MYO3B: variants seen among roughly 807,000 people sequenced by gnomAD.
MYO3B encodes the protein myosin IIIB.
In MYO3B, 156 loss-of-function variants were observed where a neutral mutation model predicts 174.6. That is an observed-to-expected ratio of 0.89 (90% CI 0.78 to 1.02). MYO3B has a LOEUF of 1.02. Among genes scored for constraint, MYO3B ranks in the 50% least tolerant of loss-of-function variants. The pLI is 0.00. For missense variants in MYO3B, 1,632 were observed against 1,639.4 expected, an observed-to-expected ratio of 1.00 and a Z score of 0.08; for synonymous variants, 563 against 569.1, an observed-to-expected ratio of 0.99 and a Z score of 0.15.
At chr2:170,224,899 G>C (rs180731065) in intron 6 of MYO3B, among the ~76,000 whole-genome samples, 1 of 152,220 alleles carries the variant, frequency 6.6e-6, no homozygotes, top group Non-Finnish European at 1.5e-5. Flanking sequence ...CAGAAATATC[G>C]CAAGCTTTTT....
intron 7 of MYO3B, chr2:170,333,891 T>C (rs1453307661): frequency 6.6e-6 from 1 of 152,226 alleles, no homozygotes; most frequent in African/African-American, 2.4e-5. Context: ...AAAGGTTATC[T>C]GACTGAGGAT....
At chr2:170,440,968 A>G (rs2094796633) in intron 22 of MYO3B, among the ~76,000 whole-genome samples, 1 of 151,428 alleles carries the variant, frequency 6.6e-6, no homozygotes, top group Non-Finnish European at 1.5e-5. Flanking sequence ...CGCCCGGCTA[A>G]TTTTTGTATT....
chr2:170,651,010 C>T (rs974452036), intron 32 of MYO3B, among the ~76,000 whole-genome samples: 5 of 152,066 alleles, frequency 3.3e-5, no homozygotes, highest in Non-Finnish European at 5.9e-5. Flanking sequence ...CACTCTTGGT[C>T]CAGGGTTCTG....
chr2:170,322,442 G>T (rs2093835370), intron 7 of MYO3B, among the ~76,000 whole-genome samples: 1 of 152,160 alleles, frequency 6.6e-6, no homozygotes, highest in Non-Finnish European at 1.5e-5. Flanking sequence ...AGCAATTATT[G>T]CAATTGATCT....
intron 6 of MYO3B, among the ~76,000 whole-genome samples, chr2:170,220,226 C>G (rs2092880349): frequency 6.6e-6 from 1 of 151,530 alleles, no homozygotes; most frequent in South Asian, 2.1e-4. Context: ...CCACTGCACT[C>G]CAGCCTGGGA....
intron 32 of MYO3B, among the ~76,000 whole-genome samples, chr2:170,621,808 C>G (rs75651575): frequency 0.13 from 19,745 of 152,110 alleles, 1,456 homozygotes; most frequent in East Asian, 0.32. Flanking sequence ...CAGGCATTAG[C>G]CACCATGCCC....
At chr2:170,642,267 AG>A (rs1698035521) in intron 32 of MYO3B, among the ~76,000 whole-genome samples, 1 of 152,120 alleles carries the variant, frequency 6.6e-6, no homozygotes, top group Non-Finnish European at 1.5e-5. Flanking sequence ...TATTGGTTTC[AG>A]GGGAAGTTAT....
chr2:170,510,421 C>CA (rs1687905751), intron 28 of MYO3B, among the ~76,000 whole-genome samples: 1 of 152,164 alleles, frequency 6.6e-6, no homozygotes, highest in African/African-American at 2.4e-5. Flanking sequence ...GTCCTTCCTC[C>CA]AAGGAGCTTG....
chr2:170,496,053 T>C (rs908632916), intron 25 of MYO3B, among the ~76,000 whole-genome samples: 6 of 152,202 alleles, frequency 3.9e-5, no homozygotes, highest in Non-Finnish European at 8.8e-5. Flanking sequence ...AGATATCTGC[T>C]ATGAGCAGGT....
chr2:170,322,270 T>C (rs1416130796), intron 7 of MYO3B, among the ~76,000 whole-genome samples: 1 of 152,222 alleles, frequency 6.6e-6, no homozygotes, highest in African/African-American at 2.4e-5. Context: ...TCCTCCTTCC[T>C]ATTTCTGTCC....
chr2:170,559,730 C>T (rs1691579125), intron 32 of MYO3B, among the ~76,000 whole-genome samples: 1 of 152,192 alleles, frequency 6.6e-6, no homozygotes, highest in African/African-American at 2.4e-5. Flanking sequence ...TGACCTCCCA[C>T]TTTCAAATCA....
chr2:170,382,186 GAC>G, intron 10 of MYO3B, 74 bp downstream of exon 10: 2 of 1,227,472 alleles, frequency 1.6e-6, no homozygotes, highest in Non-Finnish European at 2.4e-6. Flanking sequence ...TTCTGTTGTA[GAC>G]CATGTCCTCC....
At chr2:170,261,717 G>A (rs1476454539) in intron 7 of MYO3B, among the ~76,000 whole-genome samples, 1 of 152,190 alleles carries the variant, frequency 6.6e-6, no homozygotes, top group Admixed American at 6.5e-5. Flanking sequence ...GCTATGTTTA[G>A]CATTGTTTCG....
intron 23 of MYO3B, among the ~76,000 whole-genome samples, chr2:170,462,076 G>A (rs1684329229): frequency 6.6e-6 from 1 of 152,180 alleles, no homozygotes; most frequent in Non-Finnish European, 1.5e-5. Context: ...CTCTGCAGGT[G>A]GTGCTGGTGT....
chr2:170,283,235 C>T (rs1029951216), intron 7 of MYO3B, among the ~76,000 whole-genome samples: 1 of 152,110 alleles, frequency 6.6e-6, no homozygotes, highest in Non-Finnish European at 1.5e-5. Flanking sequence ...AAGGGACTCT[C>T]CTGTGGCTAG....
At chr2:170,286,601 C>T (rs11903349) in intron 7 of MYO3B, among the ~76,000 whole-genome samples, 46,511 of 151,766 alleles carry the variant, frequency 0.31, 7,308 homozygotes, top group South Asian at 0.43. Context: ...TGTCAAGTTC[C>T]GTCTTACTGG....
At chr2:170,381,979 C>T in intron 9 of MYO3B, 37 bp from the exon 10 acceptor site, 1 of 1,539,130 alleles carries the variant, frequency 6.5e-7, no homozygotes, top group Non-Finnish European at 9.0e-7. Context: ...ACATTATTTG[C>T]TGTCTTAATG....
At chr2:170,491,275 C>G (rs1019305089) in intron 25 of MYO3B, among the ~76,000 whole-genome samples, 4 of 151,936 alleles carry the variant, frequency 2.6e-5, no homozygotes, top group Non-Finnish European at 5.9e-5. Context: ...TTCCAATTTT[C>G]TTTTTGATTT....
chr2:170,598,234 G>T (rs1162573519), intron 32 of MYO3B, among the ~76,000 whole-genome samples: 3 of 152,160 alleles, frequency 2.0e-5, no homozygotes, highest in African/African-American at 7.2e-5. Context: ...AGGTCTTTTG[G>T]TCTGTGTATT....
Sources: allele counts gnomAD v4.1 joint callset (sites outside exome capture counted in the v4.1 genomes callset), GRCh38; gene constraint gnomAD v4.1.1; transcripts MANE v1.5; gene names NCBI Gene and HGNC (gene_info 2026-07-23, HGNC 2026-07-21).